Variants in TTC39C observed in about 807,000 individuals in gnomAD.
The protein encoded by TTC39C is tetratricopeptide repeat domain 39C.
Under a neutral mutation model 76.3 loss-of-function variants are expected in TTC39C, and 33 were observed. The observed-to-expected ratio is 0.43, with a 90% CI of 0.33 to 0.58. TTC39C has a LOEUF of 0.58. Ranked by LOEUF, TTC39C falls within the 20% of genes least tolerant of loss-of-function variation. The pLI is 0.04. For missense variants in TTC39C, 595 were observed against 701.4 expected, an observed-to-expected ratio of 0.85 and a Z score of 1.71; for synonymous variants, 254 against 260.6, an observed-to-expected ratio of 0.97 and a Z score of 0.24.
At chr18:24,074,571 C>T (rs1015291140) in intron 4 of TTC39C, among the ~76,000 whole-genome samples, 7 of 152,122 alleles carry the variant, frequency 4.6e-5, no homozygotes, top group Non-Finnish European at 1.0e-4. Flanking sequence ...CACCGGCCAT[C>T]AGAGAAATGC....
At position 24,114,613 on chromosome 18, in the gene TTC39C, G is replaced by C; in HGVS notation, c.1044G>C (p.Gln348His). 1 of 1,613,962 alleles carries C rather than the reference G, an allele frequency of 6.2e-7. No individual in the cohort carries two copies. Among genetic ancestry groups the C allele is most frequent in the Non-Finnish European group, 8.5e-7 (1 of 1,179,936 alleles). ...FHTALELAVDQREIQHVCLYE... is the reference protein window; with the variant it reads ...FHTALELAVDHREIQHVCLYE... ...CTGCTTTGGAACTTGCAGTAGACCA[G>C]AGAGAAATTCAACATGTCTGTCTGT... The change falls in exon 7 of 14, where the codon CAG (glutamine) becomes CAC (histidine). Residue 348 changes from glutamine to histidine, a missense_variant. Coordinates refer to ENST00000317571, the MANE Select transcript of TTC39C (RefSeq NM_001135993.2).
At chr18:24,113,668 A>G in intron 6 of TTC39C, 1 of 702,378 alleles carries the variant, frequency 1.4e-6, no homozygotes, top group Non-Finnish European at 2.6e-6. Flanking sequence ...TATTAATGGT[A>G]TGTGACATTT....
intron 6 of TTC39C, among the ~76,000 whole-genome samples, chr18:24,083,638 G>A (rs986026086): frequency 4.6e-5 from 7 of 152,176 alleles, no homozygotes; most frequent in African/African-American, 1.7e-4. Context: ...TCATCTGCAT[G>A]TTATAGAAAA....
intron 8 of TTC39C, among the ~76,000 whole-genome samples, chr18:24,122,518 A>AAAAAG (rs1381890808): frequency 6.6e-6 from 1 of 150,976 alleles, no homozygotes; most frequent in African/African-American, 2.4e-5. Flanking sequence ...AAAAAAAAAA[A>AAAAAG]AAGAAGAGGG....
intron 4 of TTC39C, among the ~76,000 whole-genome samples, chr18:24,071,774 C>G (rs1395134833): frequency 6.6e-6 from 1 of 152,120 alleles, no homozygotes; most frequent in Admixed American, 6.5e-5. Context: ...AACTATATTT[C>G]TTTCACAAAT....
At chr18:24,015,086 G>C in intron 1 of TTC39C, 48 bp downstream of exon 1, 1 of 1,367,022 alleles carries the variant, frequency 7.3e-7, no homozygotes, top group East Asian at 3.1e-5. Flanking sequence ...CGCACCTCGT[G>C]TCCGGCTCAC....
At chr18:24,045,892 A>AATATATATATATATGTATATGTATATGT (rs2083863102) in intron 1 of TTC39C, among the ~76,000 whole-genome samples, 3 of 61,230 alleles carry the variant, frequency 4.9e-5, no homozygotes, top group African/African-American at 2.7e-4. Flanking sequence ...CTTCTGTGAA[A>AATATATATATATATGTATATGTATATGT]ATATATATAT....
chr18:24,056,646 C>T (rs1049657169), intron 1 of TTC39C, among the ~76,000 whole-genome samples: 9 of 151,950 alleles, frequency 5.9e-5, no homozygotes, highest in African/African-American at 1.7e-4. Flanking sequence ...GCAATGTTGG[C>T]GAATATCAGA....
chr18:24,002,082 CAT>C (rs2083318110), intron 1 of TTC39C, among the ~76,000 whole-genome samples: 2 of 152,138 alleles, frequency 1.3e-5, no homozygotes, highest in Non-Finnish European at 2.9e-5. Flanking sequence ...TGTTTGCGCA[CAT>C]GTCTTTTTTT....
At chr18:24,057,730 T>G (rs888589554) in intron 1 of TTC39C, among the ~76,000 whole-genome samples, 3 of 152,218 alleles carry the variant, frequency 2.0e-5, no homozygotes, top group African/African-American at 7.2e-5. Flanking sequence ...GCTATTAACA[T>G]GGTGTATGTG....
At chr18:24,054,081 C>T (rs11082915) in intron 1 of TTC39C, among the ~76,000 whole-genome samples, 81,732 of 151,962 alleles carry the variant, frequency 0.54, 23,915 homozygotes, top group Middle Eastern at 0.72. Context: ...TCAAATCACT[C>T]GCATTTGTTT....
intron 1 of TTC39C, among the ~76,000 whole-genome samples, chr18:24,016,977 T>G (rs2083461452): frequency 6.6e-6 from 1 of 152,202 alleles, no homozygotes; most frequent in African/African-American, 2.4e-5. Flanking sequence ...TAGTTTTTAC[T>G]GTGGACCAGG....
In TTC39C at chr18:24,131,929, C is replaced by A. The variant is rs751750662; in HGVS notation, c.1662+9C>A. On this transcript the variant is annotated intron_variant, in intron 13 of 13. Transcript: ENST00000317571. ...TACTTCTTCAAGCAAAGGTAAATAT[C>A]CTGAATCTACCTTTCTCCAGTGGCC... is the stretch of plus-strand genomic sequence containing the variant. 6.2e-6 allele frequency: 10 copies of A among 1,611,880 alleles called. No homozygotes were observed. The South Asian group carries it at 7.7e-5, about 12-fold the overall frequency.
chr18:24,045,642 T>C (rs1438079841), intron 1 of TTC39C, among the ~76,000 whole-genome samples: 1 of 151,960 alleles, frequency 6.6e-6, no homozygotes, highest in Non-Finnish European at 1.5e-5. Context: ...ACACAGGTGC[T>C]CAAAAAATGT....
intron 2 of TTC39C, 40 bp from the exon 3 acceptor site, chr18:24,065,972 T>C: frequency 1.3e-6 from 2 of 1,507,076 alleles, no homozygotes; most frequent in African/African-American, 1.4e-5. Context: ...AATTTTCAGA[T>C]ACTAATTCAT....
At chr18:24,020,741 C>T (rs1173374287) in intron 1 of TTC39C, among the ~76,000 whole-genome samples, 2 of 152,154 alleles carry the variant, frequency 1.3e-5, no homozygotes, top group African/African-American at 4.8e-5. Context: ...ACTAATGCAA[C>T]CTTTTTTTCC....
chr18:24,107,385 T>C (rs2084758005), intron 6 of TTC39C, among the ~76,000 whole-genome samples: 1 of 152,184 alleles, frequency 6.6e-6, no homozygotes, highest in Admixed American at 6.5e-5. Flanking sequence ...CTATTCTAAC[T>C]GATATGTTCT....
chr18:24,089,320 A>G (rs1447122187), intron 6 of TTC39C, among the ~76,000 whole-genome samples: 2 of 152,120 alleles, frequency 1.3e-5, no homozygotes, highest in African/African-American at 2.4e-5. Context: ...TAATGTTTTT[A>G]TTTATAGGAT....
chr18:24,080,256 C>T (rs748148806), intron 4 of TTC39C, among the ~76,000 whole-genome samples: 26 of 152,062 alleles, frequency 1.7e-4, no homozygotes, highest in Non-Finnish European at 2.4e-4. Flanking sequence ...TCACAGAACT[C>T]GTGAAAAGAT....
Sources: allele counts gnomAD v4.1 joint callset (sites outside exome capture counted in the v4.1 genomes callset), GRCh38; gene constraint gnomAD v4.1.1; transcripts MANE v1.5; gene names NCBI Gene and HGNC (gene_info 2026-07-23, HGNC 2026-07-21).